The following STRADA variants were observed in gnomAD, a reference collection of about 807,000 sequenced individuals.
The protein encoded by STRADA is STE20-related kinase adapter protein alpha.
A neutral mutation model predicts 55.0 loss-of-function variants in STRADA; 26 were observed. The observed-to-expected ratio is 0.47, with a 90% CI of 0.35 to 0.66. The LOEUF is 0.66. STRADA is among the 30% of genes least tolerant of loss of function. STRADA has a pLI of 0.01. For missense variants in STRADA, 443 were observed against 549.7 expected, an observed-to-expected ratio of 0.81 and a Z score of 1.94; for synonymous variants, 197 against 210.9, an observed-to-expected ratio of 0.93 and a Z score of 0.57.
intron 3 of STRADA, chr17:63,726,403 T>C: frequency 2.3e-6 from 1 of 442,554 alleles, no homozygotes; most frequent in Middle Eastern, 5.8e-4. Context: ...AAAGAAAACA[T>C]ATATGCTTTT....
chr17:63,732,413 G>A (rs2038130187), intron 1 of STRADA, among the ~76,000 whole-genome samples: 1 of 151,588 alleles, frequency 6.6e-6, no homozygotes, highest in Admixed American at 6.6e-5. Context: ...TCAACCTCCT[G>A]GGCTCAAGCA....
chr17:63,726,854 A>T, intron 2 of STRADA, 159 bp from the exon 3 acceptor site: 1 of 650,456 alleles, frequency 1.5e-6, no homozygotes, highest in Non-Finnish European at 2.6e-6. Flanking sequence ...CAGAATCTTG[A>T]ACTAAAAACA....
Position 63,740,107 on chromosome 17 carries a change from T to TAC in STRADA, c.-45+1632_-45+1633dup, listed in dbSNP as rs1555712215. Among the ~76,000 whole-genome samples the TAC allele has an allele frequency of 1.6e-3, 78 of 49,646 alleles. 15 individuals carry two copies. The highest frequency in any genetic ancestry group is 3.1e-3 in the Admixed American group (15 of 4,900). The allele number at this position is 49,646 out of a possible 152,430, so 32.6% of individuals were successfully genotyped here. The stretch of plus-strand genomic sequence containing the variant: ...AACACTATATATATATATATATATA[T>TAC]ACATACATACATATATATATACACA... On this transcript the variant is annotated intron_variant, in intron 1 of 12. Transcript: ENST00000336174.
intron 11 of STRADA, 65 bp downstream of exon 11, chr17:63,704,276 C>T: frequency 6.3e-7 from 1 of 1,595,496 alleles, no homozygotes. Context: ...CCCTTCACAC[C>T]CTGGCCTTAC....
chr17:63,707,111 C>G lies in STRADA; in HGVS notation c.753+136G>C, dbSNP rs35631456. The G allele has an allele frequency of 1.7e-4, 192 of 1,123,396 alleles. 2 individuals are homozygous for G. The highest frequency in any genetic ancestry group is 1.6e-3 in the African/African-American group (102 of 64,876). 69.6% of individuals were successfully genotyped at this position (1,123,396 alleles called of 1,614,324 possible). A position where few individuals can be genotyped will look rare whatever the true frequency, so the allele number is the denominator to read the frequency against. ...ATCTGCAGTGGACAGGCGCTGCCCA[C>G]GCTGAGGGCTCCCTCCCTCCAGGAA... On this transcript the variant is annotated intron_variant, in intron 9 of 12. Coordinates refer to ENST00000336174, the MANE Select transcript of STRADA (RefSeq NM_001003787.4).
chr17:63,714,251 G>A, intron 4 of STRADA, 143 bp from the exon 5 acceptor site: 1 of 663,858 alleles, frequency 1.5e-6, no homozygotes, highest in Non-Finnish European at 2.8e-6. Flanking sequence ...ACTATTTGAA[G>A]AGAAACAAAA....
chr17:63,732,083 T>C (rs2038103241), intron 1 of STRADA, among the ~76,000 whole-genome samples: 2 of 152,100 alleles, frequency 1.3e-5, no homozygotes, highest in African/African-American at 2.4e-5. Flanking sequence ...TTAGCCAGGA[T>C]GGTCTCGATC....
intron 1 of STRADA, among the ~76,000 whole-genome samples, chr17:63,736,337 G>T (rs1259200053): frequency 6.6e-6 from 1 of 152,068 alleles, no homozygotes; most frequent in East Asian, 1.9e-4. Flanking sequence ...TATAAAAAGT[G>T]GTGTGTCCAG....
chr17:63,726,702 A>T lies in STRADA; in HGVS notation c.37-7T>A. ...ACTTTTCCGAGACCCACCGCTAAAG[A>T]GGAAAACCCCAAAGAGAATTAGTAT... On this transcript the variant is annotated splice_polypyrimidine_tract_variant and splice_region_variant and intron_variant, in intron 2 of 12. Transcript: ENST00000336174. 1 of 1,614,088 alleles carries T rather than the reference A, an allele frequency of 6.2e-7. No individual in the cohort carries two copies. The highest frequency in any genetic ancestry group is 8.5e-7 in the Non-Finnish European group (1 of 1,179,960).
At chr17:63,726,508 C>G (rs533663797) in intron 3 of STRADA, 130 bp downstream of exon 3, 1 of 813,308 alleles carries the variant, frequency 1.2e-6, no homozygotes, top group South Asian at 2.1e-5. Context: ...CAAAAAGGAA[C>G]CAAAGAAATC....
At position 63,704,382 on chromosome 17, in the gene STRADA, G is replaced by T; in HGVS notation, c.1059C>A (p.His353Gln). Residue 353 changes from histidine to glutamine, a missense_variant, in exon 11 of 13, where the codon CAC (histidine) becomes CAA (glutamine). His to Gln is a conservative substitution (Grantham distance 24). Transcript: ENST00000336174. The stretch of plus-strand genomic sequence containing the variant: ...GCTGAAGGCACTGCTCCACAAAGTG[G>T]TGGAAGTGGGGGGAGAAGGTTCGGT... ...PYHRTFSPHF[H>Q]HFVEQCLQRN... 6.2e-7 allele frequency: 1 copy of T among 1,613,024 alleles called. No individual in the cohort carries two copies. The highest frequency in any genetic ancestry group is 8.5e-7 in the Non-Finnish European group (1 of 1,179,712).
chr17:63,720,383 G>A (rs956818871), intron 4 of STRADA, among the ~76,000 whole-genome samples: 1 of 151,922 alleles, frequency 6.6e-6, no homozygotes, highest in African/African-American at 2.4e-5. Flanking sequence ...TGTTGCCCAG[G>A]CTGGCTTCAA....
At chr17:63,704,872 C>T (rs1395599819) in intron 10 of STRADA, 1 of 1,536,038 alleles carries the variant, frequency 6.5e-7, no homozygotes, top group Non-Finnish European at 8.7e-7. Context: ...TCTCCCTTTC[C>T]AAGGCATCAA....
At chr17:63,730,016 A>C (rs2037922774) in intron 1 of STRADA, among the ~76,000 whole-genome samples, 1 of 151,678 alleles carries the variant, frequency 6.6e-6, no homozygotes, top group African/African-American at 2.4e-5. Flanking sequence ...TTTTGTATTT[A>C]GTAGAGATGG....
At chr17:63,704,790 C>T (rs1354206819) in intron 10 of STRADA, 16 of 1,534,530 alleles carry the variant, frequency 1.0e-5, no homozygotes, top group East Asian at 2.4e-5. Flanking sequence ...GCCAGGCCAA[C>T]GTGAAAGGAG....
chr17:63,716,933 T>G (rs1032953501), intron 4 of STRADA: 1 of 152,246 alleles, frequency 6.6e-6, no homozygotes, highest in Non-Finnish European at 1.5e-5. Flanking sequence ...GAATTTGAAC[T>G]CAGGTCTATT....
At chr17:63,726,458 T>C (rs1265475352) in intron 3 of STRADA, 180 bp downstream of exon 3, 5 of 560,624 alleles carry the variant, frequency 8.9e-6, no homozygotes, top group Admixed American at 3.6e-5. Flanking sequence ...CCAAGGAAAA[T>C]TGCCATGTTA....
At chr17:63,739,941 G>A (rs1296292095) in intron 1 of STRADA, among the ~76,000 whole-genome samples, 3 of 147,082 alleles carry the variant, frequency 2.0e-5, no homozygotes, top group Non-Finnish European at 3.0e-5. Context: ...GACTGGCTCC[G>A]GCAGTGCACC....
rs775610521 is a variant in STRADA at position 63,704,350 on chromosome 17, G to C, written c.1091C>G (p.Pro364Arg). ...AGGCCAGCAGGGATACCTGGCATCC[G>C]GGTTGCGCTGAAGGCACTGCTCCAC... ...HFVEQCLQRN[P>R]DARPSASTLL... The change falls in exon 11 of 13, where the codon CCG becomes CGG. Residue 364 changes from proline to arginine, a missense_variant. Pro to Arg is a moderately radical substitution (Grantham distance 103). Coordinates refer to ENST00000336174, the MANE Select transcript of STRADA (RefSeq NM_001003787.4). The C allele has an allele frequency of 4.3e-6, 7 of 1,612,454 alleles. No individual in the cohort carries two copies. Among genetic ancestry groups the C allele is most frequent in the Non-Finnish European group, 5.9e-6 (7 of 1,179,576 alleles).
Sources: gnomAD v4.1 joint callset for allele counts (sites outside exome capture counted in the v4.1 genomes callset) on GRCh38, gnomAD v4.1.1 for gene constraint, MANE v1.5 for transcripts, NCBI Gene and HGNC (gene_info 2026-07-23, HGNC 2026-07-21) for gene names.